The following CSMD1 variants were observed in gnomAD, a reference collection of about 807,000 sequenced individuals.
The protein encoded by CSMD1 is CUB and Sushi multiple domains 1, also known as CUB and sushi domain-containing protein 1.
In CSMD1, 213 loss-of-function variants were observed where a neutral mutation model predicts 417.5. The ratio of observed to expected loss-of-function variants is 0.51; its 90% CI spans 0.46 to 0.57. The LOEUF (loss-of-function observed/expected upper bound fraction) is 0.57. Ranked by LOEUF, CSMD1 falls within the 20% of genes least tolerant of loss-of-function variation. The probability of loss-of-function intolerance (pLI) is 0.00; values close to 1 mark genes in which losing one functional copy is unlikely to be tolerated. For synonymous variants in CSMD1, 2,862 were observed against 1,736.8 expected, an observed-to-expected ratio of 1.65 and a Z score of -16.11; for missense variants, 6,923 against 4,529.7, an observed-to-expected ratio of 1.53 and a Z score of -15.17.
intron 1 of CSMD1, among the ~76,000 whole-genome samples, chr8:4,903,845 T>C (rs1051830647): frequency 6.6e-6 from 1 of 152,146 alleles, no homozygotes; most frequent in Non-Finnish European, 1.5e-5. Context: ...GTACTTCCCA[T>C]CCCTTGATTT....
chr8:4,083,057 T>C (rs1253751431), intron 3 of CSMD1, among the ~76,000 whole-genome samples: 2 of 152,056 alleles, frequency 1.3e-5, no homozygotes, highest in African/African-American at 4.8e-5. Flanking sequence ...CTATTGTGAA[T>C]AGTGCCACAA....
chr8:3,784,186 T>G (rs756548351), intron 5 of CSMD1, among the ~76,000 whole-genome samples: 3 of 152,196 alleles, frequency 2.0e-5, no homozygotes, highest in African/African-American at 7.2e-5. Flanking sequence ...GTGTCACACC[T>G]TGGGAAAGGG....
At chr8:4,820,053 G>A (rs1313041905) in intron 1 of CSMD1, among the ~76,000 whole-genome samples, 1 of 152,126 alleles carries the variant, frequency 6.6e-6, no homozygotes, top group Non-Finnish European at 1.5e-5. Flanking sequence ...CTGAACCACA[G>A]CAGTCTATCC....
rs562878904 is a variant in CSMD1 at position 3,826,832 on chromosome 8, G to A, written c.819-72790C>T. On this transcript the variant is annotated intron_variant, in intron 5 of 69. Coordinates refer to ENST00000635120, the MANE Select transcript of CSMD1 (RefSeq NM_033225.6). ...GACAGGGTCTCACTCTGTCATCTAGGCTGCAGTGTAGTGGTGTGATCATAG... is the reference window on the plus strand; with the variant it reads ...GACAGGGTCTCACTCTGTCATCTAGACTGCAGTGTAGTGGTGTGATCATAG... Among the ~76,000 whole-genome samples the A allele has an allele frequency of 2.0e-5, 3 of 152,034 alleles. No individual in the cohort carries two copies. The South Asian group carries it at 6.3e-4, about 32-fold the overall frequency.
intron 1 of CSMD1, among the ~76,000 whole-genome samples, chr8:4,901,005 T>G (rs1189107361): frequency 2.0e-5 from 3 of 152,226 alleles, no homozygotes; most frequent in Non-Finnish European, 2.9e-5. Context: ...ACCATACTAT[T>G]TGAAAGTAAA....
chr8:4,216,266 G>A (rs151048027), intron 3 of CSMD1, among the ~76,000 whole-genome samples: 56 of 151,788 alleles, frequency 3.7e-4, no homozygotes, highest in Non-Finnish European at 6.0e-4. Context: ...TTCACTCTAC[G>A]AGACCTGACC....
At chr8:3,765,796 G>A (rs765914495) in intron 5 of CSMD1, among the ~76,000 whole-genome samples, 4 of 152,160 alleles carry the variant, frequency 2.6e-5, no homozygotes, top group African/African-American at 4.8e-5. Flanking sequence ...AGAGTCCTAC[G>A]GGTGGAGACA....
chr8:3,157,268 C>T (rs1819594860), intron 39 of CSMD1, among the ~76,000 whole-genome samples: 1 of 152,136 alleles, frequency 6.6e-6, no homozygotes, highest in African/African-American at 2.4e-5. Flanking sequence ...CATCACCAAC[C>T]TTTGTACTGA....
At chr8:4,920,881 GAAAAGAAAAGAAAAGA>G (rs1806401064) in intron 1 of CSMD1, among the ~76,000 whole-genome samples, 2 of 35,148 alleles carry the variant, frequency 5.7e-5, no homozygotes, top group African/African-American at 1.4e-4. Context: ...GAAAAGAAAA[GAAAAGAAAAGAAAAGA>G]AAAGAAAAGA....
At chr8:4,317,397 C>G (rs997020640) in intron 3 of CSMD1, among the ~76,000 whole-genome samples, 1 of 152,178 alleles carries the variant, frequency 6.6e-6, no homozygotes, top group African/African-American at 2.4e-5. Context: ...TGCTGTAAAA[C>G]TCAAATGGTT....
At chr8:3,987,722 G>C (rs1214196062) in intron 5 of CSMD1, among the ~76,000 whole-genome samples, 1 of 152,194 alleles carries the variant, frequency 6.6e-6, no homozygotes, top group Non-Finnish European at 1.5e-5. Context: ...GAGGTCACTA[G>C]CAGCATAAAG....
In CSMD1 at chr8:3,246,232, G is replaced by T. The variant is rs1337915573; in HGVS notation, c.4154-16001C>A. ...GCCCTGCCTGCCACACATCCACTGTGCCTCACCCACACCAGCCCCTCATTC... is the reference window on the plus strand; with the variant it reads ...GCCCTGCCTGCCACACATCCACTGTTCCTCACCCACACCAGCCCCTCATTC... On this transcript the variant is annotated intron_variant, in intron 26 of 69. Coordinates refer to ENST00000635120, the MANE Select transcript of CSMD1 (RefSeq NM_033225.6). Among the ~76,000 whole-genome samples the T allele has an allele frequency of 2.0e-5, 3 of 152,064 alleles. No individual in the cohort carries two copies. The South Asian group carries it at 6.2e-4, about 32-fold the overall frequency.
intron 2 of CSMD1, among the ~76,000 whole-genome samples, chr8:4,603,261 T>A (rs1268420570): frequency 3.3e-5 from 5 of 152,082 alleles, no homozygotes; most frequent in Non-Finnish European, 7.4e-5. Flanking sequence ...TGCAAATTTT[T>A]CATACTCCTT....
At chr8:4,979,194 C>G (rs1810735583) in intron 1 of CSMD1, among the ~76,000 whole-genome samples, 2 of 152,148 alleles carry the variant, frequency 1.3e-5, no homozygotes, top group Non-Finnish European at 1.5e-5. Context: ...GAGGACACAT[C>G]TCATAGAACT....
At chr8:4,134,197 G>A (rs569133967) in intron 3 of CSMD1, among the ~76,000 whole-genome samples, 2 of 152,118 alleles carry the variant, frequency 1.3e-5, no homozygotes, top group South Asian at 2.1e-4. Context: ...TTGAAGGAAA[G>A]TCACTGTCCT....
intron 1 of CSMD1, among the ~76,000 whole-genome samples, chr8:4,811,161 C>G (rs2097952381): frequency 6.6e-6 from 1 of 152,166 alleles, no homozygotes; most frequent in African/African-American, 2.4e-5. Flanking sequence ...GTAGTGGCAT[C>G]AACCATCACT....
chr8:4,200,550 G>T (rs1041552586), intron 3 of CSMD1, among the ~76,000 whole-genome samples: 1 of 151,826 alleles, frequency 6.6e-6, no homozygotes, highest in Non-Finnish European at 1.5e-5. Flanking sequence ...TGCCTGCTGT[G>T]CTATCCTTAT....
chr8:3,364,470 G>T (rs1809418276), intron 20 of CSMD1, among the ~76,000 whole-genome samples: 1 of 152,266 alleles, frequency 6.6e-6, no homozygotes, highest in Non-Finnish European at 1.5e-5. Context: ...GTATTTTATT[G>T]TTGTTGGCTT....
At chr8:4,327,232 T>C (rs1227445087) in intron 3 of CSMD1, among the ~76,000 whole-genome samples, 1 of 152,238 alleles carries the variant, frequency 6.6e-6, no homozygotes, top group Non-Finnish European at 1.5e-5. Context: ...AGCTTAGTTT[T>C]CATTAGTGTT....
Sources: allele counts gnomAD v4.1 joint callset (sites outside exome capture counted in the v4.1 genomes callset), GRCh38; gene constraint gnomAD v4.1.1; transcripts MANE v1.5; gene names NCBI Gene and HGNC (gene_info 2026-07-23, HGNC 2026-07-21).